RSBN1L: variants seen among roughly 807,000 people sequenced by gnomAD.
RSBN1L encodes lysine-specific demethylase RSBN1L.
In RSBN1L, 30 loss-of-function variants were observed where a neutral mutation model predicts 67.7. The ratio of observed to expected loss-of-function variants is 0.44; its 90% confidence interval spans 0.33 to 0.60. The LOEUF is 0.60. RSBN1L is among the 20% of genes least tolerant of loss of function. The pLI, the probability that RSBN1L is intolerant of heterozygous loss-of-function variation, is 0.02. For missense variants in RSBN1L, 992 were observed against 1,031.7 expected (o/e 0.96, Z 0.53); for synonymous variants, 433 against 387.0 (o/e 1.12, Z -1.39).
intron 2 of RSBN1L, among the ~76,000 whole-genome samples, chr7:77,739,510 T>C (rs1791379784): frequency 6.6e-6 from 1 of 151,568 alleles, no homozygotes; most frequent in Non-Finnish European, 1.5e-5. Flanking sequence ...GCTAGGAGTT[T>C]GAGACCAGCT....
intron 2 of RSBN1L, among the ~76,000 whole-genome samples, chr7:77,746,795 C>T (rs938275292): frequency 1.3e-5 from 2 of 151,704 alleles, no homozygotes; most frequent in African/African-American, 4.8e-5. Flanking sequence ...AGAAATTGGC[C>T]AAAAAAAGGA....
chr7:77,739,183 G>T (rs1791376294), intron 2 of RSBN1L, among the ~76,000 whole-genome samples: 1 of 152,026 alleles, frequency 6.6e-6, no homozygotes, highest in East Asian at 1.9e-4. Context: ...TTGGTGACTT[G>T]GAACAACAAA....
At chr7:77,743,276 G>T (rs1454792588) in intron 2 of RSBN1L, among the ~76,000 whole-genome samples, 1 of 152,006 alleles carries the variant, frequency 6.6e-6, no homozygotes, top group East Asian at 1.9e-4. Flanking sequence ...CTGCTCTGCT[G>T]TGAGAATTTA....
At chr7:77,762,879 AAGTTT>A (rs1453482305) in intron 3 of RSBN1L, among the ~76,000 whole-genome samples, 1 of 152,112 alleles carries the variant, frequency 6.6e-6, no homozygotes, top group African/African-American at 2.4e-5. Flanking sequence ...GATAAATTGA[AAGTTT>A]AGTTGTGCTT....
intron 3 of RSBN1L, among the ~76,000 whole-genome samples, chr7:77,763,149 CTTTTT>C (rs11440608): frequency 7.9e-5 from 10 of 126,952 alleles, no homozygotes; most frequent in African/African-American, 2.4e-4. Context: ...TATAATTTGA[CTTTTT>C]TTTTTTTTTT....
Position 77,782,116 on chromosome 7 carries a change from AG to A in RSBN1L, c.*2949del, listed in dbSNP as rs2150436990. The A allele has an allele frequency of 6.6e-6, 1 of 152,274 alleles. No individual in the cohort carries two copies. The highest frequency in any genetic ancestry group is 1.9e-4 in the East Asian group (1 of 5,188). The allele number at this position is 152,274 out of a possible 1,614,324, so 9.4% of individuals were successfully genotyped here. A position where few individuals can be genotyped will look rare whatever the true frequency, so the allele number is the denominator to read the frequency against. ...GGGTTATAATTTTCACATCCTCTTCAGATACAATCTGAGAACTTGTTGACTA... is the reference window on the plus strand; with the variant it reads ...GGGTTATAATTTTCACATCCTCTTCAATACAATCTGAGAACTTGTTGACTA... On this transcript the variant is annotated 3_prime_UTR_variant, in exon 8 of 8. Coordinates refer to ENST00000334955, the MANE Select transcript of RSBN1L (RefSeq NM_198467.3).
intron 1 of RSBN1L, among the ~76,000 whole-genome samples, chr7:77,710,669 C>T (rs961758311): frequency 6.6e-6 from 1 of 152,168 alleles, no homozygotes; most frequent in Admixed American, 6.5e-5. Context: ...GATCTTGGCT[C>T]ACCGTAAACT....
chr7:77,740,146 A>G (rs1791390155), intron 2 of RSBN1L, among the ~76,000 whole-genome samples: 1 of 152,222 alleles, frequency 6.6e-6, no homozygotes, highest in Non-Finnish European at 1.5e-5. Context: ...TTTATTTGGT[A>G]AGAAAGTTGG....
At chr7:77,697,105 GCC>G in intron 1 of RSBN1L, 50 bp downstream of exon 1, 1 of 1,319,230 alleles carries the variant, frequency 7.6e-7, no homozygotes, top group Non-Finnish European at 9.6e-7. Context: ...GGTCCCCGCC[GCC>G]CCCTGGCGCC....
intron 5 of RSBN1L, 33 bp from the exon 6 acceptor site, chr7:77,773,114 A>C (rs761261981): frequency 7.9e-7 from 1 of 1,262,134 alleles, no homozygotes; most frequent in East Asian, 2.4e-5. Context: ...AAGTGTCACT[A>C]TATAAATGTA....
chr7:77,752,928 C>T (rs2150427037), intron 3 of RSBN1L, among the ~76,000 whole-genome samples: 1 of 152,246 alleles, frequency 6.6e-6, no homozygotes, highest in South Asian at 2.1e-4. Flanking sequence ...TGTGTCTGGT[C>T]TCTTTTCTGT....
intron 3 of RSBN1L, among the ~76,000 whole-genome samples, chr7:77,754,033 CTCTT>C (rs1348370153): frequency 6.6e-6 from 1 of 152,128 alleles, no homozygotes; most frequent in Non-Finnish European, 1.5e-5. Flanking sequence ...TTTATAATAA[CTCTT>C]TCTATTGATT....
chr7:77,731,205 GT>G (rs1013206583), intron 1 of RSBN1L, among the ~76,000 whole-genome samples: 3 of 151,602 alleles, frequency 2.0e-5, no homozygotes, highest in African/African-American at 7.3e-5. Context: ...GGTCTTTAGT[GT>G]TTTTTTTGGT....
chr7:77,778,930 ATG>A lies in RSBN1L; in HGVS notation c.2305_2306del (p.Val769Ter). On this transcript the variant is annotated frameshift_variant, in exon 8 of 8. Coordinates refer to ENST00000334955, the MANE Select transcript of RSBN1L (RefSeq NM_198467.3). LOFTEE classifies it high-confidence loss of function. ...GTAAGAATCAAGGAAGAACCTGTGA[ATG>A]TTAATATTCCTGAAAAGACTACAGC... 6.2e-7 allele frequency: 1 copy of A among 1,614,062 alleles called. No individual in the cohort carries two copies. Among genetic ancestry groups the A allele is most frequent in the Non-Finnish European group, 8.5e-7 (1 of 1,179,924 alleles).
At chr7:77,764,513 A>T (rs1410517831) in intron 3 of RSBN1L, among the ~76,000 whole-genome samples, 1 of 152,208 alleles carries the variant, frequency 6.6e-6, no homozygotes, top group African/African-American at 2.4e-5. Context: ...GCTGTAAAAC[A>T]TTCCAGTTAA....
chr7:77,714,581 A>G (rs73372288), intron 1 of RSBN1L, among the ~76,000 whole-genome samples: 17,656 of 152,132 alleles, frequency 0.12, 1,550 homozygotes, highest in African/African-American at 0.24. Context: ...AGATAGCACA[A>G]TTTGGTGCTA....
chr7:77,772,039 G>A (rs1791857201), intron 5 of RSBN1L, among the ~76,000 whole-genome samples: 1 of 152,132 alleles, frequency 6.6e-6, no homozygotes, highest in Admixed American at 6.5e-5. Flanking sequence ...GTCAAGTGCT[G>A]TACAGTCTTA....
intron 2 of RSBN1L, among the ~76,000 whole-genome samples, chr7:77,748,923 T>TTCTCTC (rs1219984751): frequency 6.8e-6 from 1 of 147,374 alleles, no homozygotes; most frequent in Admixed American, 6.8e-5. Flanking sequence ...GTCTCTCTCT[T>TTCTCTC]TCTCTCTCTC....
At chr7:77,738,054 C>A (rs1248737947) in intron 2 of RSBN1L, among the ~76,000 whole-genome samples, 2 of 151,214 alleles carry the variant, frequency 1.3e-5, no homozygotes, top group African/African-American at 4.9e-5. Context: ...AAAGTCAAGT[C>A]TACTTAACTT....
Sources: gnomAD v4.1 joint callset for allele counts (sites outside exome capture counted in the v4.1 genomes callset) on GRCh38, gnomAD v4.1.1 for gene constraint, MANE v1.5 for transcripts, NCBI Gene and HGNC (gene_info 2026-07-23, HGNC 2026-07-21) for gene names.